The following GDA variants were observed in gnomAD, a reference collection of about 807,000 sequenced individuals.
GDA encodes the protein cytoplasmic PSD-95 interactor.
In GDA, 18 loss-of-function variants were observed where a neutral mutation model predicts 59.6. The observed-to-expected ratio is 0.30, with a 90% CI of 0.21 to 0.45. GDA has a LOEUF of 0.45. GDA is among the 20% of genes least tolerant of loss of function. GDA has a pLI of 1.00. For synonymous variants in GDA, 201 were observed against 201.1 expected (o/e 1.00, Z 0.00); for missense variants, 427 against 552.3 (o/e 0.77, Z 2.27).
Position 72,186,405 on chromosome 9 carries a change from C to T in GDA, c.124-9095C>T, listed in dbSNP as rs377513017. Among the ~76,000 whole-genome samples the T allele has an allele frequency of 4.6e-5, 7 of 152,108 alleles. No homozygotes were observed. The East Asian group carries it at 7.7e-4, about 17-fold the overall frequency. On this transcript the variant is annotated intron_variant, in intron 1 of 13. Coordinates refer to ENST00000358399, the MANE Select transcript of GDA (RefSeq NM_004293.5). ...TATTCCCTCTGCCTGGAATGCTCTTCCCCAAATGTCTAAGTGGTTCACTCT... is the reference window on the plus strand; with the variant it reads ...TATTCCCTCTGCCTGGAATGCTCTTTCCCAAATGTCTAAGTGGTTCACTCT...
chr9:72,175,729 T>G (rs944021362), intron 1 of GDA, among the ~76,000 whole-genome samples: 3 of 151,148 alleles, frequency 2.0e-5, no homozygotes, highest in African/African-American at 7.2e-5. Context: ...TGGGAAGAAT[T>G]AATTTTAGAG....
In GDA at chr9:72,122,036, T is replaced by C. The variant is rs73647194; in HGVS notation, c.-100+7203T>C. 6.9e-3 allele frequency among the ~76,000 whole-genome samples: 1,051 copies of C among 152,290 alleles called. 10 individuals carry two copies. The highest frequency in any genetic ancestry group is 0.024 in the African/African-American group (978 of 41,548). ...ACTGTCTACCCCTTATGTGTTGAGA[T>C]AGATCAGACCTGCCTTAGATCTCCT... On this transcript the variant is annotated intron_variant, in intron 1 of 13. Coordinates refer to the GDA transcript ENST00000545168.
At chr9:72,239,588 A>G (rs1319493491) in intron 10 of GDA, among the ~76,000 whole-genome samples, 1 of 152,198 alleles carries the variant, frequency 6.6e-6, no homozygotes, top group Non-Finnish European at 1.5e-5. Context: ...ACATAGTGAT[A>G]TAATTTTTAT....
At chr9:72,124,675 GTTTTC>G (rs1005562863) in intron 1 of GDA, among the ~76,000 whole-genome samples, 7 of 152,088 alleles carry the variant, frequency 4.6e-5, no homozygotes, top group African/African-American at 1.7e-4. Context: ...CCTTGAAGGA[GTTTTC>G]TTTTTTTTTA....
At chr9:72,149,704 C>T in intron 1 of GDA, 22 bp downstream of exon 1, 1 of 1,579,150 alleles carries the variant, frequency 6.3e-7, no homozygotes, top group Non-Finnish European at 8.6e-7. Flanking sequence ...CGGGGTCGAG[C>T]GCACTCCGAC....
chr9:72,206,572 A>G (rs1834735767), intron 3 of GDA, among the ~76,000 whole-genome samples: 1 of 152,116 alleles, frequency 6.6e-6, no homozygotes, highest in South Asian at 2.1e-4. Flanking sequence ...CAGGAGTTCA[A>G]GACCAGCCTG....
chr9:72,248,973 A>T lies in GDA; in HGVS notation c.*631A>T, dbSNP rs766620067. 2.0e-6 allele frequency: 2 copies of T among 984,010 alleles called. No homozygotes were observed. Among genetic ancestry groups the T allele is most frequent in the Non-Finnish European group, 2.4e-6 (2 of 828,370 alleles). The allele number at this position is 984,010 out of a possible 1,614,324, so 61.0% of individuals were successfully genotyped here. A position where few individuals can be genotyped will look rare whatever the true frequency, so the allele number is the denominator to read the frequency against. ...GTGTTGTGCTTTGCCTTCTTTGGCG[A>T]TGAATGTCAGAAATTGAATGCCACA... On this transcript the variant is annotated 3_prime_UTR_variant, in exon 14 of 14. Coordinates refer to ENST00000358399, the MANE Select transcript of GDA (RefSeq NM_004293.5).
intron 1 of GDA, among the ~76,000 whole-genome samples, chr9:72,191,805 C>T (rs1832592108): frequency 2.6e-5 from 4 of 151,910 alleles, no homozygotes; most frequent in African/African-American, 9.7e-5. Context: ...CCAGGCTGGC[C>T]TTGAACTCCT....
rs1057184985 is a variant in GDA at position 72,252,181 on chromosome 9, T to C, written c.*3839T>C. 6.5e-6 allele frequency: 1 copy of C among 152,672 alleles called. No homozygotes were observed. The highest frequency in any genetic ancestry group is 1.5e-5 in the Non-Finnish European group (1 of 68,036). 9.5% of individuals were successfully genotyped at this position (152,672 alleles called of 1,614,324 possible). A position where few individuals can be genotyped will look rare whatever the true frequency, so the allele number is the denominator to read the frequency against. On this transcript the variant is annotated 3_prime_UTR_variant, in exon 14 of 14. Transcript: ENST00000358399. Reference sequence around the variant, plus strand: ...ACTGTTATTGTGCTGAGTGAGCTCCTGTGTGCTTCAGACAAAAATAAATGA... The same window carrying C: ...ACTGTTATTGTGCTGAGTGAGCTCCCGTGTGCTTCAGACAAAAATAAATGA...
chr9:72,168,264 G>C (rs151047304), intron 1 of GDA, among the ~76,000 whole-genome samples: 283 of 152,160 alleles, frequency 1.9e-3, no homozygotes, highest in African/African-American at 6.6e-3. Flanking sequence ...GCTGGGCATA[G>C]TGGTGCGTGC....
At chr9:72,246,231 A>T (rs759017691) in intron 12 of GDA, among the ~76,000 whole-genome samples, 4 of 152,218 alleles carry the variant, frequency 2.6e-5, no homozygotes, top group East Asian at 1.9e-4. Context: ...CACTGCAACC[A>T]CTGCCTCCTG....
At chr9:72,116,940 G>A (rs1317478330) in intron 1 of GDA, among the ~76,000 whole-genome samples, 3 of 69,708 alleles carry the variant, frequency 4.3e-5, no homozygotes, top group African/African-American at 2.1e-4. Flanking sequence ...ACCACCCCAC[G>A]ACAGGCCCCA....
chr9:72,116,784 T>C (rs924619417), intron 1 of GDA, among the ~76,000 whole-genome samples: 2 of 152,160 alleles, frequency 1.3e-5, no homozygotes, highest in African/African-American at 4.8e-5. Flanking sequence ...TATTTATTTA[T>C]TTTTATTATA....
intron 1 of GDA, among the ~76,000 whole-genome samples, chr9:72,159,731 TA>T (rs1309893001): frequency 6.6e-6 from 1 of 152,224 alleles, no homozygotes; most frequent in Non-Finnish European, 1.5e-5. Context: ...GATATTAAAA[TA>T]AAAACTTAAA....
At chr9:72,119,340 A>G (rs2130567345) in intron 1 of GDA, among the ~76,000 whole-genome samples, 1 of 152,254 alleles carries the variant, frequency 6.6e-6, no homozygotes, top group East Asian at 1.9e-4. Context: ...CCACATCTCT[A>G]CTAAAAATAC....
rs528546484 is a variant in GDA, at chr9:72,229,477, C to T, written c.920+1437C>T. Among the ~76,000 whole-genome samples, 18 of 152,290 alleles carry T rather than the reference C, an allele frequency of 1.2e-4. No individual in the cohort carries two copies. In the East Asian group the frequency reaches 2.7e-3, roughly 23 times the overall value. ...CACTGTGGGCTCCCGGAGTTTAATCCTTCTATTTAATAGAAAACTCAGGTA... is the reference window on the plus strand; with the variant it reads ...CACTGTGGGCTCCCGGAGTTTAATCTTTCTATTTAATAGAAAACTCAGGTA... On this transcript the variant is annotated intron_variant, in intron 9 of 13. Transcript: ENST00000358399.
intron 2 of GDA, among the ~76,000 whole-genome samples, chr9:72,200,647 G>A (rs190485407): frequency 2.0e-5 from 3 of 152,290 alleles, no homozygotes; most frequent in East Asian, 3.9e-4. Flanking sequence ...AAGTTACACT[G>A]CTATTCCGTT....
chr9:72,150,311 A>T (rs1827032365), intron 1 of GDA, among the ~76,000 whole-genome samples: 1 of 147,676 alleles, frequency 6.8e-6, no homozygotes, highest in Admixed American at 6.7e-5. Context: ...TCTTATACAC[A>T]CACGCGTACA....
chr9:72,146,275 A>G (rs373076180), upstream of GDA, among the ~76,000 whole-genome samples: 51 of 152,172 alleles, frequency 3.4e-4, no homozygotes, highest in East Asian at 7.7e-3. Context: ...CCAAGCCTGA[A>G]GAAGCAGCCA....
Sources: gnomAD v4.1 joint callset for allele counts (sites outside exome capture counted in the v4.1 genomes callset) on GRCh38, gnomAD v4.1.1 for gene constraint, MANE v1.5 for transcripts, NCBI Gene and HGNC (gene_info 2026-07-23, HGNC 2026-07-21) for gene names.